LRRC7: variants seen among roughly 807,000 people sequenced by gnomAD.
The protein encoded by LRRC7 is leucine rich repeat containing 7.
In LRRC7, 23 loss-of-function variants were observed where a neutral mutation model predicts 175.7. The observed-to-expected ratio is 0.13, with a 90% CI of 0.09 to 0.19. LRRC7 has a LOEUF of 0.19. LRRC7 is among the 10% of genes least tolerant of loss of function. LRRC7 has a pLI of 1.00. For synonymous variants in LRRC7, 685 were observed against 680.9 expected (o/e 1.01, Z -0.09); for missense variants, 1,354 against 1,904.7 (o/e 0.71, Z 5.38).
At chr1:70,077,271 C>T (rs544184473) in intron 24 of LRRC7, among the ~76,000 whole-genome samples, 5 of 152,210 alleles carry the variant, frequency 3.3e-5, no homozygotes, top group Middle Eastern at 3.4e-3. Flanking sequence ...GCCTAGATTA[C>T]GTACTAATCA....
At chr1:69,899,295 C>A (rs771210481) in intron 7 of LRRC7, among the ~76,000 whole-genome samples, 7 of 152,154 alleles carry the variant, frequency 4.6e-5, no homozygotes, top group Non-Finnish European at 7.3e-5. Flanking sequence ...CAGGGAAATA[C>A]CATAGCATAG....
chr1:69,855,321 TTG>T (rs1424094139), intron 7 of LRRC7, among the ~76,000 whole-genome samples: 1 of 152,184 alleles, frequency 6.6e-6, no homozygotes, highest in Non-Finnish European at 1.5e-5. Context: ...TTGTGGTATG[TTG>T]TGTCTTTGTT....
intron 7 of LRRC7, among the ~76,000 whole-genome samples, chr1:69,851,065 G>T (rs1682925282): frequency 6.6e-6 from 1 of 152,064 alleles, no homozygotes; most frequent in African/African-American, 2.4e-5. Context: ...ACTGCAGGTA[G>T]TGCCACTGAA....
intron 2 of LRRC7, among the ~76,000 whole-genome samples, chr1:69,685,170 A>C (rs2100631999): frequency 6.6e-6 from 1 of 152,344 alleles, no homozygotes; most frequent in Middle Eastern, 3.4e-3. Flanking sequence ...CATTATAAAA[A>C]ATCAGAACAC....
intron 2 of LRRC7, among the ~76,000 whole-genome samples, chr1:69,697,463 G>A (rs756011664): frequency 7.2e-5 from 11 of 152,074 alleles, no homozygotes; most frequent in South Asian, 2.1e-4. Context: ...TCACTACCCC[G>A]CTGTGGGCAA....
chr1:70,031,273 G>C (rs1429363036), intron 18 of LRRC7: 1 of 152,156 alleles, frequency 6.6e-6, no homozygotes, highest in Non-Finnish European at 1.5e-5. Flanking sequence ...ATGAATGATT[G>C]ATATAGTCCA....
At chr1:70,040,431 C>A (rs148273985) in intron 21 of LRRC7, among the ~76,000 whole-genome samples, 1 of 152,048 alleles carries the variant, frequency 6.6e-6, no homozygotes, top group Non-Finnish European at 1.5e-5. Context: ...ATACTACAGA[C>A]AACAAAAATA....
chr1:69,851,949 G>A (rs958134669), intron 7 of LRRC7, among the ~76,000 whole-genome samples: 1 of 152,076 alleles, frequency 6.6e-6, no homozygotes, highest in Non-Finnish European at 1.5e-5. Context: ...TAGTGACTGG[G>A]ATCTAGAACT....
At chr1:69,719,558 C>A (rs977295331) in intron 2 of LRRC7, among the ~76,000 whole-genome samples, 7 of 151,606 alleles carry the variant, frequency 4.6e-5, no homozygotes, top group Admixed American at 4.6e-4. Context: ...CTTGACCTAG[C>A]ATTATAGACT....
chr1:69,768,513 C>A (rs1427873597), intron 3 of LRRC7, among the ~76,000 whole-genome samples: 1 of 152,168 alleles, frequency 6.6e-6, no homozygotes, highest in Admixed American at 6.6e-5. Context: ...ATATCTCATA[C>A]AACTTGATTG....
chr1:70,042,731 A>T (rs574466467), intron 21 of LRRC7, among the ~76,000 whole-genome samples: 1 of 152,320 alleles, frequency 6.6e-6, no homozygotes, highest in Non-Finnish European at 1.5e-5. Flanking sequence ...TCCAAGTGCT[A>T]GATTGAGATG....
chr1:69,927,096 G>A (rs1041350025), intron 7 of LRRC7, among the ~76,000 whole-genome samples: 2 of 152,080 alleles, frequency 1.3e-5, no homozygotes, highest in Non-Finnish European at 2.9e-5. Flanking sequence ...TGAAATTGTG[G>A]GTTGAAAATT....
intron 17 of LRRC7, among the ~76,000 whole-genome samples, chr1:70,025,829 T>TA (rs1230209384): frequency 9.4e-5 from 11 of 117,152 alleles, no homozygotes; most frequent in African/African-American, 3.1e-4. Context: ...TTCCTCAATT[T>TA]AAGGGGGGGG....
intron 21 of LRRC7, 102 bp from the exon 22 acceptor site, chr1:70,043,852 C>T: frequency 7.3e-7 from 1 of 1,369,910 alleles, no homozygotes; most frequent in Non-Finnish European, 9.9e-7. Flanking sequence ...TACTGTTTGC[C>T]TGCCTAAAGT....
chr1:69,699,114 GGCGAT>G (rs1663001611), intron 2 of LRRC7, among the ~76,000 whole-genome samples: 1 of 152,142 alleles, frequency 6.6e-6, no homozygotes, highest in South Asian at 2.1e-4. Context: ...AAGACAGTGT[GGCGAT>G]GCCCCTTGAG....
intron 2 of LRRC7, among the ~76,000 whole-genome samples, chr1:69,745,114 TTGGCAGATGATC>T (rs1669116784): frequency 6.6e-6 from 1 of 151,870 alleles, no homozygotes; most frequent in Non-Finnish European, 1.5e-5. Context: ...AGCTATGGCA[TTGGCAGATGATC>T]TTGTTCAAGA....
chr1:69,879,109 G>A (rs1188159643), intron 7 of LRRC7, among the ~76,000 whole-genome samples: 8 of 149,628 alleles, frequency 5.3e-5, no homozygotes, highest in East Asian at 2.0e-4. Flanking sequence ...CACTCAGGCC[G>A]GGAATGTGAA....
intron 23 of LRRC7, among the ~76,000 whole-genome samples, chr1:70,075,506 G>A (rs536475010): frequency 6.6e-6 from 1 of 152,084 alleles, no homozygotes; most frequent in Non-Finnish European, 1.5e-5. Context: ...AGCTCATTTC[G>A]AAGACGGTTC....
At chr1:69,611,927 A>T (rs1236792589) in intron 1 of LRRC7, among the ~76,000 whole-genome samples, 1 of 152,096 alleles carries the variant, frequency 6.6e-6, no homozygotes, top group Admixed American at 6.6e-5. Flanking sequence ...CTGCATGCAC[A>T]TGTCCACAAA....
Sources: gnomAD v4.1 joint callset for allele counts (sites outside exome capture counted in the v4.1 genomes callset) on GRCh38, gnomAD v4.1.1 for gene constraint, MANE v1.5 for transcripts, NCBI Gene and HGNC (gene_info 2026-07-23, HGNC 2026-07-21) for gene names.